The following FANCA variants were observed in gnomAD, a reference collection of about 807,000 sequenced individuals.
FANCA encodes the protein FA complementation group A, also known as Fanconi anemia group A protein.
FANCA carries 236 observed loss-of-function variants against 194.3 expected under a neutral mutation model. The ratio of observed to expected loss-of-function variants is 1.21; its 90% CI spans 1.09 to 1.35. The LOEUF is 1.35. Ranked by LOEUF, FANCA falls within the 40% of genes most tolerant of loss-of-function variation. The pLI, the probability that FANCA is intolerant of heterozygous loss-of-function variation, is 0.00. For synonymous variants in FANCA, 1,014 were observed against 715.8 expected (o/e 1.42, Z -6.65); for missense variants, 2,628 against 1,813.9 (o/e 1.45, Z -8.15).
At chr16:89,759,321 A>T (rs1381939523) in intron 29 of FANCA, among the ~76,000 whole-genome samples, 1,693 of 34,356 alleles carry the variant, frequency 0.049, 280 homozygotes, top group African/African-American at 0.15. Context: ...CTCCGTCTAA[A>T]AAAAAAAAAA....
Position 89,758,620 on chromosome 16 carries a change from C to A in FANCA, c.2938G>T (p.Ala980Ser), listed in dbSNP as rs2038841366. ...SGGCDGDLQA[A>S]CTILVNALMD... ...AGTGCGTTGACAAGAATGGTACACG[C>A]AGCCTGCAGGTCTCCGTCACAGCCC... The change falls in exon 30 of 43, where the codon GCG (alanine) becomes TCG (serine). Residue 980 changes from alanine to serine, a missense_variant. Ala to Ser is a moderately conservative substitution (Grantham distance 99). Coordinates refer to ENST00000389301, the MANE Select transcript of FANCA (RefSeq NM_000135.4). 6.2e-7 allele frequency: 1 copy of A among 1,613,970 alleles called. No individual in the cohort carries two copies.
rs1373627532 is a variant in FANCA, at chr16:89,772,285, C to A, written c.2015-471G>T. ...TTGCTTAAGCACTGGAACTTTTCCT[C>A]CATGTCCCCCATGTACCACATTCTG... On this transcript the variant is annotated intron_variant, in intron 22 of 42. Transcript: ENST00000389301. Among the ~76,000 whole-genome samples the A allele has an allele frequency of 2.6e-5, 4 of 152,350 alleles. No homozygotes were observed. In the South Asian group the frequency reaches 8.3e-4, roughly 32 times the overall value.
chr16:89,764,631 A>G (rs2039062622), intron 28 of FANCA, among the ~76,000 whole-genome samples: 1 of 152,198 alleles, frequency 6.6e-6, no homozygotes, highest in Admixed American at 6.5e-5. Flanking sequence ...AGAGCTGCAC[A>G]TGAGGCCACA....
Position 89,761,962 on chromosome 16 carries a change from A to G in FANCA, c.2839T>C (p.Ser947Pro). Reference protein sequence around the residue: ...LEIQPEADALSDTERQDFHQW... With the variant: ...LEIQPEADALPDTERQDFHQW... ...TTCAACACTTACCGTTCAGTATCTG[A>G]AAGAGCATCAGCTTCAGGTTGAATT... is the stretch of plus-strand genomic sequence containing the variant. The change falls in exon 29 of 43, where the codon TCA becomes CCA. Residue 947 changes from serine (S) to proline (P), a missense_variant. Physicochemically the swap from Ser to Pro is moderately conservative, Grantham distance 74 (BLOSUM62 -1). Transcript: ENST00000389301. 1 of 1,613,996 alleles carries G rather than the reference A, an allele frequency of 6.2e-7. No individual in the cohort carries two copies. Among genetic ancestry groups the G allele is most frequent in the Admixed American group, 1.7e-5 (1 of 60,014 alleles).
Position 89,770,204 on chromosome 16 carries a change from C to T in FANCA, c.2278G>A (p.Ala760Thr). Residue 760 changes from alanine (A) to threonine (T), a missense_variant, in exon 25 of 43, where the codon GCA becomes ACA. Ala to Thr is a moderately conservative substitution (Grantham distance 58, BLOSUM62 0). Transcript: ENST00000389301. Reference sequence around the variant, plus strand: ...AGCTGGCAGAGCCGGGTGAGCACTGCAGGGAGCACACGTCCACACATGGTC... The same window carrying T: ...AGCTGGCAGAGCCGGGTGAGCACTGTAGGGAGCACACGTCCACACATGGTC... ...VRTMCGRVLP[A>T]VLTRLCQLLR... The T allele has an allele frequency of 1.3e-6, 2 of 1,594,136 alleles. No homozygotes were observed. The highest frequency in any genetic ancestry group is 1.7e-6 in the Non-Finnish European group (2 of 1,170,976).
At chr16:89,739,425 TGGG>T (rs1159849333) in intron 40 of FANCA, 50 bp downstream of exon 40, 3 of 1,553,226 alleles carry the variant, frequency 1.9e-6, no homozygotes, top group Non-Finnish European at 1.7e-6. Context: ...GGTGCTGAGA[TGGG>T]GGTCTGGGAA....
rs1329361987 is a variant in FANCA, at chr16:89,791,326, G to T, written c.1359+77C>A. The T allele has an allele frequency of 2.6e-6, 4 of 1,565,260 alleles. No individual in the cohort carries two copies. In the East Asian group the frequency reaches 9.3e-5, roughly 36 times the overall value. On this transcript the variant is annotated intron_variant, in intron 14 of 42. Coordinates refer to ENST00000389301, the MANE Select transcript of FANCA (RefSeq NM_000135.4). ...GCTCACTCACATGACAGAGAATCAGGTGGGGACAGCATGGTCCCCACTCCC... is the reference window on the plus strand; with the variant it reads ...GCTCACTCACATGACAGAGAATCAGTTGGGGACAGCATGGTCCCCACTCCC...
chr16:89,785,380 A>G (rs150070067), intron 14 of FANCA, among the ~76,000 whole-genome samples: 62 of 152,272 alleles, frequency 4.1e-4, no homozygotes, highest in African/African-American at 1.4e-3. Context: ...CAGCAAACAA[A>G]TTGATTTTGT....
chr16:89,738,062 T>TTGCCTGTAC lies in FANCA; in HGVS notation c.*538_*539insGTACAGGCA. The stretch of plus-strand genomic sequence containing the variant: ...CACAAGGCTGAGACTGAGCTGGACT[T>TTGCCTGTAC]TGCCTGTGACCAGTGTGGCCGGCGG... On this transcript the variant is annotated 3_prime_UTR_variant, in exon 43 of 43. Coordinates refer to ENST00000389301, the MANE Select transcript of FANCA (RefSeq NM_000135.4). 6.2e-7 allele frequency: 1 copy of TTGCCTGTAC among 1,614,120 alleles called. No homozygotes were observed. Among genetic ancestry groups the TTGCCTGTAC allele is most frequent in the Non-Finnish European group, 8.5e-7 (1 of 1,180,038 alleles).
chr16:89,771,270 G>T (rs757051469), intron 23 of FANCA, among the ~76,000 whole-genome samples: 1 of 151,908 alleles, frequency 6.6e-6, no homozygotes, highest in Admixed American at 6.6e-5. Flanking sequence ...ACCAGTCGAG[G>T]CAACACAGAG....
chr16:89,770,416 A>G, intron 24 of FANCA, 148 bp downstream of exon 24: 1 of 1,019,310 alleles, frequency 9.8e-7, no homozygotes, highest in Admixed American at 2.0e-5. Flanking sequence ...GTGCTTCCCA[A>G]CTTCTGCTGC....
In FANCA at chr16:89,742,795, C is replaced by T. The variant is rs768911614; in HGVS notation, c.3765+5G>A. ...ATAAATCAGTAAAAGAATTTCCTAT[C>T]TTGCCTCCTCTCTCTCGCAGTCCAG... On this transcript the variant is annotated splice_donor_5th_base_variant and intron_variant, in intron 37 of 42. Transcript: ENST00000389301. 3 of 1,609,882 alleles carry T rather than the reference C, an allele frequency of 1.9e-6. No individual in the cohort carries two copies. The highest frequency in any genetic ancestry group is 2.2e-5 in the South Asian group (2 of 91,002).
At chr16:89,767,084 G>T in intron 27 of FANCA, 57 bp downstream of exon 27, 1 of 1,386,520 alleles carries the variant, frequency 7.2e-7, no homozygotes, top group Non-Finnish European at 1.0e-6. Context: ...CGGTCCGAAA[G>T]CTGCGTAAAC....
At chr16:89,795,082 C>A (rs1296150207) in intron 11 of FANCA, among the ~76,000 whole-genome samples, 6 of 152,058 alleles carry the variant, frequency 3.9e-5, no homozygotes, top group Admixed American at 6.6e-5. Flanking sequence ...ATTAGGAGTT[C>A]GAGACCAGCC....
chr16:89,786,993 G>A (rs1020426165), intron 14 of FANCA, among the ~76,000 whole-genome samples: 6 of 152,176 alleles, frequency 3.9e-5, no homozygotes, highest in African/African-American at 9.7e-5. Flanking sequence ...ATCACTGGCC[G>A]CAGCAGGAAC....
At chr16:89,805,568 T>G (rs1416785011) in intron 6 of FANCA, among the ~76,000 whole-genome samples, 176 bp from the exon 7 acceptor site, 1 of 151,978 alleles carries the variant, frequency 6.6e-6, no homozygotes, top group Admixed American at 6.6e-5. Context: ...AAGCAATCCT[T>G]CCACCTCAGC....
At chr16:89,802,584 T>C (rs565660118) in intron 8 of FANCA, among the ~76,000 whole-genome samples, 1 of 151,956 alleles carries the variant, frequency 6.6e-6, no homozygotes, top group East Asian at 1.9e-4. Flanking sequence ...TCTATTTTTT[T>C]AGTAGAGACG....
chr16:89,760,337 A>G (rs1025167667), intron 29 of FANCA, among the ~76,000 whole-genome samples: 3 of 152,254 alleles, frequency 2.0e-5, no homozygotes, highest in South Asian at 2.1e-4. Flanking sequence ...TGTGGCCCCT[A>G]TGTTTTCCTT....
Position 89,738,551 on chromosome 16 carries a change from TAATA to T in FANCA, c.*46_*49del. ...CAACAAGAGCTCCATGTTATGCTTGTAATAAATTATTTACACGGGAGCTGGGCTG... is the reference window on the plus strand; with the variant it reads ...CAACAAGAGCTCCATGTTATGCTTGTAATTATTTACACGGGAGCTGGGCTG... On this transcript the variant is annotated 3_prime_UTR_variant, in exon 43 of 43. Transcript: ENST00000389301. 7.4e-6 allele frequency: 12 copies of T among 1,611,946 alleles called. No individual in the cohort carries two copies. The highest frequency in any genetic ancestry group is 1.0e-5 in the Non-Finnish European group (12 of 1,179,672).
Sources: allele counts gnomAD v4.1 joint callset (sites outside exome capture counted in the v4.1 genomes callset), GRCh38; gene constraint gnomAD v4.1.1; transcripts MANE v1.5; gene names NCBI Gene and HGNC (gene_info 2026-07-23, HGNC 2026-07-21).